The following ADGRB3 variants were observed in gnomAD, a reference collection of about 807,000 sequenced individuals.
ADGRB3 encodes the protein adhesion G protein-coupled receptor B3, also known as brain-specific angiogenesis inhibitor 3.
In ADGRB3, 37 loss-of-function variants were observed where a neutral mutation model predicts 193.4. The observed-to-expected ratio is 0.19, with a 90% CI of 0.15 to 0.25. The LOEUF is 0.25. Ranked by LOEUF, ADGRB3 falls within the 10% of genes least tolerant of loss-of-function variation. The pLI is 1.00. For synonymous variants in ADGRB3, 690 were observed against 644.2 expected (o/e 1.07, Z -1.08); for missense variants, 1,637 against 1,852.9 (o/e 0.88, Z 2.14).
At chr6:68,813,063 C>T (rs1256430218) in intron 3 of ADGRB3, among the ~76,000 whole-genome samples, 3 of 152,138 alleles carry the variant, frequency 2.0e-5, no homozygotes, top group East Asian at 1.9e-4. Flanking sequence ...AGAATTCCCA[C>T]GTGTTGTGGG....
At chr6:69,344,600 A>AATT (rs1188216001) in intron 26 of ADGRB3, among the ~76,000 whole-genome samples, 2 of 152,190 alleles carry the variant, frequency 1.3e-5, no homozygotes, top group Middle Eastern at 3.2e-3. Flanking sequence ...ACAATATGTA[A>AATT]AGGGTCCATA....
chr6:69,100,852 GGGAA>G (rs1193487031), intron 17 of ADGRB3, among the ~76,000 whole-genome samples: 618 of 15,432 alleles, frequency 0.04, 2 homozygotes, highest in East Asian at 0.11. Context: ...GAGGGAGGGA[GGGAA>G]GGAAGGAAGG....
chr6:69,289,250 A>T (rs1288433546), intron 20 of ADGRB3, among the ~76,000 whole-genome samples: 2 of 152,184 alleles, frequency 1.3e-5, no homozygotes, highest in Non-Finnish European at 2.9e-5. Flanking sequence ...CACACATCAC[A>T]TCTCTAAGAC....
chr6:69,323,583 GA>G (rs1401998070), intron 20 of ADGRB3, among the ~76,000 whole-genome samples: 1 of 151,958 alleles, frequency 6.6e-6, no homozygotes, highest in Non-Finnish European at 1.5e-5. Flanking sequence ...TTCACATGCT[GA>G]AAAATTGTTT....
At chr6:69,343,155 T>G (rs931927885) in intron 26 of ADGRB3, among the ~76,000 whole-genome samples, 5 of 151,748 alleles carry the variant, frequency 3.3e-5, no homozygotes, top group African/African-American at 1.2e-4. Context: ...TTTTTATTTT[T>G]TTTTATTTTT....
At chr6:69,055,640 T>G (rs1394087891) in intron 15 of ADGRB3, among the ~76,000 whole-genome samples, 1 of 152,198 alleles carries the variant, frequency 6.6e-6, no homozygotes, top group Non-Finnish European at 1.5e-5. Context: ...TCAATTCTTT[T>G]GGACATATAC....
chr6:68,743,090 T>C (rs1434271532), intron 3 of ADGRB3, among the ~76,000 whole-genome samples: 2 of 152,044 alleles, frequency 1.3e-5, no homozygotes, highest in African/African-American at 4.8e-5. Flanking sequence ...TAGAATCACA[T>C]TTCTTTAGCT....
intron 17 of ADGRB3, chr6:69,232,672 G>A: frequency 1.3e-6 from 2 of 1,503,240 alleles, no homozygotes; most frequent in Middle Eastern, 1.7e-4. Flanking sequence ...CAAAGGCAAT[G>A]AGAGTCGGAA....
At chr6:69,268,227 TATA>T (rs1253183663) in intron 20 of ADGRB3, among the ~76,000 whole-genome samples, 12 of 152,166 alleles carry the variant, frequency 7.9e-5, no homozygotes, top group Non-Finnish European at 1.8e-4. Context: ...AATGTGCAAG[TATA>T]ATATTTTATG....
In ADGRB3 at chr6:69,378,484, A is replaced by G. The variant is rs78456484; in HGVS notation, c.4276-4347A>G. Among the ~76,000 whole-genome samples the G allele has an allele frequency of 1.6e-3, 239 of 152,174 alleles. 2 individuals carry two copies. The East Asian group carries it at 0.038, about 24-fold the overall frequency. On this transcript the variant is annotated intron_variant, in intron 30 of 31. Coordinates refer to ENST00000370598, the MANE Select transcript of ADGRB3 (RefSeq NM_001704.3). ...CTTGAGCTTCAGTTTTCTAATCAGT[A>G]AAGTGGAGATAATGGCTTTACCTCC...
intron 17 of ADGRB3, among the ~76,000 whole-genome samples, chr6:69,212,935 GA>G (rs1765697790): frequency 6.6e-6 from 1 of 151,992 alleles, no homozygotes; most frequent in Non-Finnish European, 1.5e-5. Context: ...GGAGTGATAG[GA>G]AAAAATATTA....
chr6:69,128,034 A>G (rs1342970122), intron 17 of ADGRB3, among the ~76,000 whole-genome samples: 1 of 152,110 alleles, frequency 6.6e-6, no homozygotes, highest in Non-Finnish European at 1.5e-5. Context: ...AGTCAGTATG[A>G]TATGTTCACA....
chr6:68,675,941 C>T (rs909558118), intron 3 of ADGRB3, among the ~76,000 whole-genome samples: 1 of 152,170 alleles, frequency 6.6e-6, no homozygotes, highest in African/African-American at 2.4e-5. Flanking sequence ...TCTTTTTATT[C>T]TTGTATTTTT....
At chr6:69,020,592 A>G (rs117537932) in intron 13 of ADGRB3, among the ~76,000 whole-genome samples, 2,812 of 152,156 alleles carry the variant, frequency 0.018, 39 homozygotes, top group Middle Eastern at 0.034. Context: ...AATAAAGTCA[A>G]TATCATCCTA....
intron 17 of ADGRB3, among the ~76,000 whole-genome samples, chr6:69,097,041 T>C (rs1772900080): frequency 6.6e-6 from 1 of 152,238 alleles, no homozygotes; most frequent in Admixed American, 6.5e-5. Flanking sequence ...AACATTAAAG[T>C]AAAAGAGGAC....
At chr6:68,738,166 A>C (rs1765908064) in intron 3 of ADGRB3, among the ~76,000 whole-genome samples, 1 of 152,178 alleles carries the variant, frequency 6.6e-6, no homozygotes, top group African/African-American at 2.4e-5. Flanking sequence ...ATAAAACAAA[A>C]GCATTGCTGG....
intron 17 of ADGRB3, among the ~76,000 whole-genome samples, chr6:69,095,927 A>G (rs1381886975): frequency 1.3e-5 from 2 of 152,210 alleles, no homozygotes; most frequent in African/African-American, 2.4e-5. Context: ...TTTCTTTGAT[A>G]ATATTGTATA....
At chr6:68,810,969 A>G (rs1767502096) in intron 3 of ADGRB3, among the ~76,000 whole-genome samples, 1 of 152,012 alleles carries the variant, frequency 6.6e-6, no homozygotes, top group African/African-American at 2.4e-5. Context: ...TGATATAAAA[A>G]CTCATCTGCT....
At chr6:68,900,376 T>C (rs1766361384) in intron 3 of ADGRB3, among the ~76,000 whole-genome samples, 1 of 152,110 alleles carries the variant, frequency 6.6e-6, no homozygotes, top group Admixed American at 6.5e-5. Flanking sequence ...AATAGTTGGC[T>C]AGATATTCAG....
Sources: allele counts gnomAD v4.1 joint callset (sites outside exome capture counted in the v4.1 genomes callset), GRCh38; gene constraint gnomAD v4.1.1; transcripts MANE v1.5; gene names NCBI Gene and HGNC (gene_info 2026-07-23, HGNC 2026-07-21).